Variants in GOSR1 observed in about 807,000 individuals in gnomAD.
GOSR1 encodes golgi SNAP receptor complex member 1, also known as 28 kDa Golgi SNARE protein.
GOSR1 carries 21 observed loss-of-function variants against 35.5 expected under a neutral mutation model. The observed-to-expected ratio is 0.59, with a 90% CI of 0.42 to 0.85. GOSR1 has a LOEUF of 0.85. Ranked by LOEUF, GOSR1 falls within the 40% of genes least tolerant of loss-of-function variation. GOSR1 has a pLI of 0.00. For missense variants in GOSR1, 285 were observed against 309.6 expected (o/e 0.92, Z 0.60); for synonymous variants, 94 against 106.6 (o/e 0.88, Z 0.73).
chr17:30,487,694 T>C (rs556620900), intron 4 of GOSR1, among the ~76,000 whole-genome samples: 23 of 152,130 alleles, frequency 1.5e-4, no homozygotes, highest in Non-Finnish European at 2.9e-4. Flanking sequence ...GGAACATAAA[T>C]TGATGTAATG....
rs1968133030 is a variant in GOSR1, at chr17:30,523,894, A to C, written c.*1516A>C. The C allele has an allele frequency of 4.4e-6, 1 of 227,508 alleles. No individual in the cohort carries two copies. The highest frequency in any genetic ancestry group is 5.6e-5 in the South Asian group (1 of 17,738). 14.1% of individuals were successfully genotyped at this position (227,508 alleles called of 1,614,324 possible). On this transcript the variant is annotated 3_prime_UTR_variant, in exon 9 of 9. Transcript: ENST00000451249. ...CTAAGAAAAATTCTTCTGCCTTGGG[A>C]TCCTGTTGATCTATGACCTTACCCC...
At chr17:30,519,812 T>A (rs1297760861) in intron 7 of GOSR1, 127 bp from the exon 8 acceptor site, 1 of 634,566 alleles carries the variant, frequency 1.6e-6, no homozygotes, top group African/African-American at 1.9e-5. Flanking sequence ...TTTTTCCCCT[T>A]ATTTTCTGGC....
chr17:30,523,453 G>A lies in GOSR1; in HGVS notation c.*1075G>A, dbSNP rs535566005. The A allele has an allele frequency of 3.9e-4, 65 of 164,700 alleles. No homozygotes were observed. Among genetic ancestry groups the A allele is most frequent in the Middle Eastern group, 2.8e-3 (1 of 356 alleles). The allele number at this position is 164,700 out of a possible 1,614,324, so 10.2% of individuals were successfully genotyped here. On this transcript the variant is annotated 3_prime_UTR_variant, in exon 9 of 9. Transcript: ENST00000451249. ...TGTCTGAGAAGTGAGGAGCCCCTCC[G>A]CCCGGCAGCCACCCCATCTGGGAAG...
intron 5 of GOSR1, among the ~76,000 whole-genome samples, chr17:30,491,012 A>G (rs1915008211): frequency 6.6e-6 from 1 of 152,218 alleles, no homozygotes; most frequent in Non-Finnish European, 1.5e-5. Context: ...TAAACTGTAT[A>G]TTATGTGTAC....
chr17:30,519,149 C>T (rs183909063), intron 7 of GOSR1, among the ~76,000 whole-genome samples: 39 of 152,254 alleles, frequency 2.6e-4, no homozygotes, highest in African/African-American at 6.5e-4. Flanking sequence ...TAGCCCCCCC[C>T]TCCTGGGCTC....
chr17:30,505,959 G>A (rs985752438), intron 6 of GOSR1, among the ~76,000 whole-genome samples: 19 of 152,054 alleles, frequency 1.2e-4, no homozygotes, highest in African/African-American at 4.1e-4. Flanking sequence ...AACACCTGGG[G>A]ACTCAAGTAA....
At chr17:30,504,015 G>C (rs145150896) in intron 6 of GOSR1, among the ~76,000 whole-genome samples, 3 of 150,500 alleles carry the variant, frequency 2.0e-5, no homozygotes, top group Non-Finnish European at 4.4e-5. Flanking sequence ...CTTTAGGTTG[G>C]TTTCATTTAA....
At chr17:30,492,636 A>T in intron 5 of GOSR1, 43 bp from the exon 6 acceptor site, 1 of 1,153,616 alleles carries the variant, frequency 8.7e-7, no homozygotes. Context: ...CTGATTTTGT[A>T]TTCTCTGCCA....
At position 30,522,390 on chromosome 17, in the gene GOSR1, C is replaced by A. The variant is rs377415352; in HGVS notation, c.*12C>A. Reference sequence around the variant, plus strand: ...ATGCGTTCCATTGATGGGACATCTTCAGGGACTCTTGACAGCCACCGCTTT... The same window carrying A: ...ATGCGTTCCATTGATGGGACATCTTAAGGGACTCTTGACAGCCACCGCTTT... On this transcript the variant is annotated 3_prime_UTR_variant, in exon 9 of 9. Transcript: ENST00000451249. 624 of 1,550,584 alleles carry A rather than the reference C, an allele frequency of 4.0e-4. No homozygotes were observed. Among genetic ancestry groups the A allele is most frequent in the Non-Finnish European group, 5.3e-4 (609 of 1,145,874 alleles).
At chr17:30,507,051 A>T (rs1175700744) in intron 6 of GOSR1, among the ~76,000 whole-genome samples, 1 of 152,216 alleles carries the variant, frequency 6.6e-6, no homozygotes, top group East Asian at 1.9e-4. Context: ...TGCACCTCTG[A>T]TGGAGATGTA....
chr17:30,512,929 T>C (rs546374803), intron 7 of GOSR1, among the ~76,000 whole-genome samples: 1 of 152,296 alleles, frequency 6.6e-6, no homozygotes, highest in Non-Finnish European at 1.5e-5. Flanking sequence ...AAAGGAACAA[T>C]TGAGAACCAT....
chr17:30,521,762 G>A (rs1282091241), intron 8 of GOSR1, among the ~76,000 whole-genome samples: 4 of 152,124 alleles, frequency 2.6e-5, no homozygotes, highest in Non-Finnish European at 5.9e-5. Flanking sequence ...TCTAAGGCGG[G>A]AAAAGATCAG....
chr17:30,494,623 T>C (rs1255824025), intron 6 of GOSR1, among the ~76,000 whole-genome samples: 1 of 152,166 alleles, frequency 6.6e-6, no homozygotes, highest in African/African-American at 2.4e-5. Context: ...TTCTTTTTTC[T>C]TTAAGACAGA....
rs938577890 is a variant in GOSR1, at chr17:30,520,050, G to A, written c.622+29G>A. The A allele has an allele frequency of 4.3e-6, 6 of 1,409,960 alleles. No individual in the cohort carries two copies. The East Asian group carries it at 9.1e-5, about 21-fold the overall frequency. The allele number at this position is 1,409,960 out of a possible 1,614,324, so 87.3% of individuals were successfully genotyped here. On this transcript the variant is annotated intron_variant, in intron 8 of 8. Transcript: ENST00000451249. ...TCCTTTTTGAATGTTCGCAGTCTGT[G>A]TTTTGAGGGTAGAGGGGAGAAGTGT...
At chr17:30,477,497 C>T (rs1324829890) in intron 1 of GOSR1, 33 bp downstream of exon 1, 3 of 1,602,076 alleles carry the variant, frequency 1.9e-6, no homozygotes, top group African/African-American at 2.7e-5. Flanking sequence ...GTGCGTCCTA[C>T]GAGGGTGAGA....
chr17:30,521,202 A>G (rs915488896), intron 8 of GOSR1, among the ~76,000 whole-genome samples: 1 of 119,134 alleles, frequency 8.4e-6, no homozygotes, highest in African/African-American at 3.4e-5. Context: ...TTTTTAAGAC[A>G]GAGTCTCACC....
chr17:30,485,015 A>G, intron 4 of GOSR1: 1 of 496,398 alleles, frequency 2.0e-6, no homozygotes, highest in Admixed American at 3.2e-5. Context: ...CTGGGTACAT[A>G]TACTTCCACT....
chr17:30,508,160 C>T (rs1967475732), intron 6 of GOSR1, among the ~76,000 whole-genome samples: 1 of 152,152 alleles, frequency 6.6e-6, no homozygotes, highest in Non-Finnish European at 1.5e-5. Flanking sequence ...GGACGTGGCT[C>T]ATAGTAAGCT....
intron 4 of GOSR1, 109 bp from the exon 5 acceptor site, chr17:30,490,017 A>G (rs896603851): frequency 8.1e-6 from 5 of 619,968 alleles, no homozygotes; most frequent in African/African-American, 1.9e-5. Context: ...GATTTCTTAA[A>G]TAGCAGTTTT....
Sources: allele counts gnomAD v4.1 joint callset (sites outside exome capture counted in the v4.1 genomes callset), GRCh38; gene constraint gnomAD v4.1.1; transcripts MANE v1.5; gene names NCBI Gene and HGNC (gene_info 2026-07-23, HGNC 2026-07-21).